The following SLC38A9 variants were observed in gnomAD, a reference collection of about 807,000 sequenced individuals.
The protein encoded by SLC38A9 is solute carrier family 38 member 9, also known as neutral amino acid transporter 9.
SLC38A9 carries 48 observed loss-of-function variants against 62.3 expected under a neutral mutation model. The observed-to-expected ratio is 0.77, with a 90% CI of 0.61 to 0.98. SLC38A9 has a LOEUF of 0.98. SLC38A9 is among the 50% of genes least tolerant of loss of function. SLC38A9 has a pLI of 0.00. For missense variants in SLC38A9, 541 were observed against 679.8 expected, an observed-to-expected ratio of 0.80 and a Z score of 2.27; for synonymous variants, 204 against 227.7, an observed-to-expected ratio of 0.90 and a Z score of 0.94.
rs1174376530 is a variant in SLC38A9 at position 55,634,834 on chromosome 5, ATGT to A, written c.1281+707_1281+709del. ...TTCTGACCAGAAAGTCACTTGTGAA[ATGT>A]TGTTTTTTGTGAGAAACTCTTCAGT... On this transcript the variant is annotated intron_variant, in intron 13 of 15. Coordinates refer to ENST00000396865, the MANE Select transcript of SLC38A9 (RefSeq NM_173514.4). 5.3e-5 allele frequency: 8 copies of A among 151,794 alleles called. No individual in the cohort carries two copies. In the East Asian group the frequency reaches 1.2e-3, roughly 22 times the overall value. 9.4% of individuals were successfully genotyped at this position (151,794 alleles called of 1,614,324 possible).
At chr5:55,649,608 G>A (rs2150160500) in intron 10 of SLC38A9, among the ~76,000 whole-genome samples, 1 of 152,272 alleles carries the variant, frequency 6.6e-6, no homozygotes, top group East Asian at 1.9e-4. Flanking sequence ...GACCACCTGA[G>A]GTCAGGAGTT....
chr5:55,672,590 C>T lies in SLC38A9; in HGVS notation c.219G>A (p.Arg73=), dbSNP rs1484216229. 1.2e-6 allele frequency: 2 copies of T among 1,614,038 alleles called. No individual in the cohort carries two copies. Among genetic ancestry groups the T allele is most frequent in the Non-Finnish European group, 8.5e-7 (1 of 1,179,992 alleles). The change falls in exon 4 of 16, where the codon CGG becomes CGA. Residue 73 remains arginine (R), a synonymous_variant. Coordinates refer to ENST00000396865, the MANE Select transcript of SLC38A9 (RefSeq NM_173514.4). ...AMNKRIHYYS[R]LTTPADKALI... ...GTGCCTTGTCTGCAGGAGTGGTGAG[C>T]CGGCTGTAGTAATGAATTCTCTTGT...
At chr5:55,627,594 C>G (rs376990184) in intron 15 of SLC38A9, among the ~76,000 whole-genome samples, 12 of 152,018 alleles carry the variant, frequency 7.9e-5, no homozygotes, top group African/African-American at 2.9e-4. Context: ...TTAAAAATAA[C>G]TTTTTATTTT....
At chr5:55,701,497 A>T (rs1298413777) in intron 2 of SLC38A9, among the ~76,000 whole-genome samples, 3 of 152,190 alleles carry the variant, frequency 2.0e-5, no homozygotes, top group South Asian at 4.1e-4. Context: ...TTTCCTTCAA[A>T]TATATCCAGA....
At chr5:55,709,815 C>T (rs1757765810) in intron 2 of SLC38A9, among the ~76,000 whole-genome samples, 1 of 151,550 alleles carries the variant, frequency 6.6e-6, no homozygotes, top group Non-Finnish European at 1.5e-5. Context: ...GCCTGTAATC[C>T]CAGCACTTTG....
At chr5:55,654,448 TCTAAAAGAATAA>T (rs1285105402) in intron 9 of SLC38A9, among the ~76,000 whole-genome samples, 1 of 152,046 alleles carries the variant, frequency 6.6e-6, no homozygotes, top group East Asian at 1.9e-4. Context: ...CAACCCTGTC[TCTAAAAGAATAA>T]CAAAATTTTG....
intron 11 of SLC38A9, among the ~76,000 whole-genome samples, chr5:55,648,828 T>C (rs7728170): frequency 0.55 from 83,070 of 152,028 alleles, 24,051 homozygotes; most frequent in South Asian, 0.66. Flanking sequence ...TGCATAGAGG[T>C]ATTAAAATAT....
intron 12 of SLC38A9, among the ~76,000 whole-genome samples, chr5:55,641,142 C>A (rs1282749896): frequency 2.6e-5 from 4 of 152,174 alleles, no homozygotes; most frequent in African/African-American, 9.7e-5. Flanking sequence ...GCCCGGCCAA[C>A]ATCTTTTAAA....
At chr5:55,646,613 A>G (rs974827737) in intron 11 of SLC38A9, among the ~76,000 whole-genome samples, 3 of 152,230 alleles carry the variant, frequency 2.0e-5, no homozygotes, top group Non-Finnish European at 4.4e-5. Flanking sequence ...AATATTAGAA[A>G]TAAGTGTCCA....
rs1742414122 is a variant in SLC38A9, at chr5:55,626,433, T to C, written c.*61A>G. On this transcript the variant is annotated 3_prime_UTR_variant, in exon 16 of 16. Coordinates refer to ENST00000396865, the MANE Select transcript of SLC38A9 (RefSeq NM_173514.4). ...AGCAGCATTTACAAGTGAATTTATA[T>C]AGAACTGTTGTCAAGGCTCAAAATA... 3.6e-6 allele frequency: 5 copies of C among 1,375,834 alleles called. No individual in the cohort carries two copies. The highest frequency in any genetic ancestry group is 5.0e-6 in the Non-Finnish European group (5 of 994,280). 85.2% of individuals were successfully genotyped at this position (1,375,834 alleles called of 1,614,324 possible). A position where few individuals can be genotyped will look rare whatever the true frequency, so the allele number is the denominator to read the frequency against.
chr5:55,653,445 A>G (rs1378130421), intron 9 of SLC38A9, among the ~76,000 whole-genome samples: 3 of 152,328 alleles, frequency 2.0e-5, no homozygotes, highest in Middle Eastern at 3.4e-3. Context: ...TAAAAAGGCC[A>G]AAGAGCAGAT....
intron 8 of SLC38A9, among the ~76,000 whole-genome samples, chr5:55,662,946 A>C (rs1343802660): frequency 6.7e-6 from 1 of 148,940 alleles, no homozygotes; most frequent in African/African-American, 2.5e-5. Context: ...CCCAGGCTGG[A>C]GTGCAGTGGT....
rs1561444787 is a variant in SLC38A9 at position 55,701,125 on chromosome 5, ATG to A, written c.-34-3135_-34-3134del. Among the ~76,000 whole-genome samples the A allele has an allele frequency of 2.6e-5, 4 of 152,286 alleles. No individual in the cohort carries two copies. In the East Asian group the frequency reaches 7.7e-4, roughly 29 times the overall value. ...GTGCTCAAAATCCACATGTGGCCAC[ATG>A]TGTCTACCATATTAGACAGTATAGA... On this transcript the variant is annotated intron_variant, in intron 2 of 15. Coordinates refer to ENST00000396865, the MANE Select transcript of SLC38A9 (RefSeq NM_173514.4).
At chr5:55,628,026 T>C (rs1215644533) in intron 14 of SLC38A9, 46 bp from the exon 15 acceptor site, 12 of 1,288,640 alleles carry the variant, frequency 9.3e-6, no homozygotes, top group Non-Finnish European at 1.4e-5. Context: ...AATATAAAAA[T>C]AGGCAAATTA....
Position 55,652,649 on chromosome 5 carries a change from C to G in SLC38A9, c.832G>C (p.Ala278Pro), listed in dbSNP as rs775611545. 6.2e-7 allele frequency: 1 copy of G among 1,613,736 alleles called. No homozygotes were observed. The highest frequency in any genetic ancestry group is 1.7e-5 in the Admixed American group (1 of 59,996). The change falls in exon 10 of 16, where the codon GCC becomes CCC. Residue 278 changes from alanine to proline, a missense_variant. Transcript: ENST00000396865. ...SMIFYANDTG[A>P]QQFEKWWDKS... is the part of the protein sequence containing the mutation. ...TCCCACCACTTTTCAAACTGTTGGGCTCCTGTGTCATTGGCATAGAAAATC... is the reference window on the plus strand; with the variant it reads ...TCCCACCACTTTTCAAACTGTTGGGGTCCTGTGTCATTGGCATAGAAAATC...
intron 3 of SLC38A9, among the ~76,000 whole-genome samples, chr5:55,678,491 T>G (rs1019557732): frequency 6.6e-6 from 1 of 152,002 alleles, no homozygotes; most frequent in Non-Finnish European, 1.5e-5. Flanking sequence ...CACTAGTATT[T>G]TGAGCTTAAA....
chr5:55,687,723 CAG>C (rs1286539315), intron 3 of SLC38A9, among the ~76,000 whole-genome samples: 3 of 151,946 alleles, frequency 2.0e-5, no homozygotes, highest in Admixed American at 6.6e-5. Flanking sequence ...TATTTTGAGA[CAG>C]AGTCTCACTG....
chr5:55,663,067 G>C (rs1749878203), intron 8 of SLC38A9, among the ~76,000 whole-genome samples: 1 of 151,826 alleles, frequency 6.6e-6, no homozygotes, highest in Admixed American at 6.6e-5. Flanking sequence ...GCTAATTTTT[G>C]TATTTTTAGT....
intron 2 of SLC38A9, among the ~76,000 whole-genome samples, chr5:55,707,510 T>C (rs565070373): frequency 6.6e-6 from 1 of 152,258 alleles, no homozygotes; most frequent in South Asian, 2.1e-4. Context: ...TAGTCCCAGC[T>C]ACCCGGGAGG....
Sources: allele counts gnomAD v4.1 joint callset (sites outside exome capture counted in the v4.1 genomes callset), GRCh38; gene constraint gnomAD v4.1.1; transcripts MANE v1.5; gene names NCBI Gene and HGNC (gene_info 2026-07-23, HGNC 2026-07-21).